Variants in TYW1B observed in about 807,000 individuals in gnomAD.
TYW1B encodes the protein S-adenosyl-L-methionine-dependent tRNA 4-demethylwyosine synthase TYW1B.
A neutral mutation model predicts 86.9 loss-of-function variants in TYW1B; 73 were observed. That is an observed-to-expected ratio of 0.84 (90% confidence interval 0.70 to 1.02). The LOEUF (loss-of-function observed/expected upper bound fraction) is 1.02, where lower values mean the gene tolerates loss of function less well. Among genes scored for constraint, TYW1B ranks in the 50% least tolerant of loss-of-function variants. TYW1B has a pLI of 0.00. For synonymous variants in TYW1B, 248 were observed against 292.8 expected, an observed-to-expected ratio of 0.85 and a Z score of 1.56; for missense variants, 637 against 827.4, an observed-to-expected ratio of 0.77 and a Z score of 2.82.
intron 6 of TYW1B, among the ~76,000 whole-genome samples, chr7:72,781,647 C>T (rs1483507907): frequency 6.6e-6 from 1 of 152,192 alleles, no homozygotes; most frequent in African/African-American, 2.4e-5. Context: ...CTGTTCTCTC[C>T]ACCTACAATG....
chr7:72,796,842 C>T (rs1312952946), intron 6 of TYW1B, among the ~76,000 whole-genome samples: 1 of 151,280 alleles, frequency 6.6e-6, no homozygotes, highest in Non-Finnish European at 1.5e-5. Flanking sequence ...AAGAATATAT[C>T]TGGGCCAGTC....
At chr7:72,669,052 T>C (rs1479750699) in intron 11 of TYW1B, among the ~76,000 whole-genome samples, 1 of 147,248 alleles carries the variant, frequency 6.8e-6, no homozygotes, top group Non-Finnish European at 1.5e-5. Context: ...TATTATAGTA[T>C]AAACAAAGTC....
At chr7:72,610,724 G>C (rs1252470443) in intron 13 of TYW1B, among the ~76,000 whole-genome samples, 1 of 152,182 alleles carries the variant, frequency 6.6e-6, no homozygotes, top group African/African-American at 2.4e-5. Context: ...TGAGTCTCCC[G>C]CCTCAGCCTC....
chr7:72,686,725 C>T (rs1554449484), intron 11 of TYW1B, among the ~76,000 whole-genome samples: 4 of 151,936 alleles, frequency 2.6e-5, no homozygotes, highest in African/African-American at 7.3e-5. Flanking sequence ...ATGATGGATC[C>T]GTGTAGGTTC....
chr7:72,711,547 C>T (rs35742182), intron 10 of TYW1B, among the ~76,000 whole-genome samples: 1 of 131,276 alleles, frequency 7.6e-6, no homozygotes, highest in Non-Finnish European at 1.6e-5. Flanking sequence ...TTGGCTCACT[C>T]CAAGCTCCGC....
At chr7:72,684,503 C>T (rs1190429611) in intron 11 of TYW1B, among the ~76,000 whole-genome samples, 1 of 152,002 alleles carries the variant, frequency 6.6e-6, no homozygotes, top group African/African-American at 2.4e-5. Context: ...GAGAGAAATA[C>T]TTTTTCAGAC....
At chr7:72,807,927 C>A (rs187015572) in intron 4 of TYW1B, among the ~76,000 whole-genome samples, 13 of 152,112 alleles carry the variant, frequency 8.5e-5, no homozygotes, top group Admixed American at 6.6e-4. Context: ...CATATCTACG[C>A]CAGGCGAAGT....
intron 6 of TYW1B, among the ~76,000 whole-genome samples, chr7:72,791,463 A>G (rs1244235961): frequency 6.6e-6 from 1 of 151,896 alleles, no homozygotes; most frequent in Non-Finnish European, 1.5e-5. Flanking sequence ...ACCTGAGGAC[A>G]ATGGGAGCCT....
At chr7:72,622,778 C>T (rs1187155391) in intron 12 of TYW1B, among the ~76,000 whole-genome samples, 4 of 151,624 alleles carry the variant, frequency 2.6e-5, no homozygotes, top group Non-Finnish European at 2.9e-5. Flanking sequence ...CATGCACGCA[C>T]ACAAAACACA....
intron 10 of TYW1B, among the ~76,000 whole-genome samples, chr7:72,703,887 A>G (rs1814550847): frequency 1.3e-5 from 2 of 151,892 alleles, no homozygotes; most frequent in African/African-American, 4.8e-5. Context: ...AAGAAAAAAG[A>G]AAAAATCTGT....
At chr7:72,762,065 G>A (rs1787694177) in intron 7 of TYW1B, among the ~76,000 whole-genome samples, 1 of 151,988 alleles carries the variant, frequency 6.6e-6, no homozygotes, top group Non-Finnish European at 1.5e-5. Flanking sequence ...TTAAAATTTG[G>A]TTACCTATAT....
intron 11 of TYW1B, among the ~76,000 whole-genome samples, chr7:72,666,050 C>T (rs28478004): frequency 0.014 from 2,069 of 152,176 alleles, 41 homozygotes; most frequent in African/African-American, 0.047. Context: ...TAAAGTTATG[C>T]ACATAGTATG....
chr7:72,807,268 C>G lies in TYW1B; in HGVS notation c.521G>C (p.Ser174Thr). The change falls in exon 5 of 14, where the codon AGC (serine) becomes ACC (threonine). Residue 174 changes from serine (S) to threonine (T), a missense_variant. Physicochemically the swap from Ser to Thr is moderately conservative, Grantham distance 58. Coordinates refer to ENST00000620995, the MANE Select transcript of TYW1B (RefSeq NM_001145440.3). ...RGEGDCDVVK[S>T]KHGSIEANFR... ...GTTGGCCTCAATGCTGCCGTGCTTGCTTTTAACCACGTCGCAGTCGCCCTC... is the reference window on the plus strand; with the variant it reads ...GTTGGCCTCAATGCTGCCGTGCTTGGTTTTAACCACGTCGCAGTCGCCCTC... 6.2e-7 allele frequency: 1 copy of G among 1,614,182 alleles called. No individual in the cohort carries two copies. The highest frequency in any genetic ancestry group is 8.5e-7 in the Non-Finnish European group (1 of 1,180,048).
chr7:72,662,254 T>C (rs1201008479), intron 11 of TYW1B, among the ~76,000 whole-genome samples: 2 of 152,208 alleles, frequency 1.3e-5, no homozygotes, highest in Non-Finnish European at 1.5e-5. Context: ...AATCTTTAAA[T>C]AGTTAGCTTT....
intron 2 of TYW1B, among the ~76,000 whole-genome samples, chr7:72,821,820 G>C (rs1336196885): frequency 6.6e-6 from 1 of 152,166 alleles, no homozygotes; most frequent in Non-Finnish European, 1.5e-5. Context: ...AGTAGAGCAG[G>C]CTTGGGCAGA....
At chr7:72,630,952 G>T (rs1383445430) in intron 11 of TYW1B, among the ~76,000 whole-genome samples, 2 of 151,914 alleles carry the variant, frequency 1.3e-5, no homozygotes, top group African/African-American at 4.8e-5. Flanking sequence ...AAAATCCCGG[G>T]ATTGCAAAAA....
At chr7:72,692,410 A>C (rs1814193208) in intron 11 of TYW1B, among the ~76,000 whole-genome samples, 1 of 151,736 alleles carries the variant, frequency 6.6e-6, no homozygotes, top group Non-Finnish European at 1.5e-5. Flanking sequence ...AGTACTTGGG[A>C]GGCTGAGGCA....
rs1554459274 is a variant in TYW1B at position 72,728,915 on chromosome 7, C to A, written c.1099G>T (p.Val367Leu). 9 of 1,613,894 alleles carry A rather than the reference C, an allele frequency of 5.6e-6. No individual in the cohort carries two copies. Among genetic ancestry groups the A allele is most frequent in the Middle Eastern group, 1.6e-4 (1 of 6,062 alleles). Residue 367 changes from valine (V) to leucine (L), a missense_variant, in exon 9 of 14, where the codon GTG becomes TTG. By Grantham distance (32) the Val-to-Leu change is conservative. Coordinates refer to ENST00000620995, the MANE Select transcript of TYW1B (RefSeq NM_001145440.3). Reference sequence around the variant, plus strand: ...ATCTTCCACAACCATTCAGTGCCCACAGGGTTGTTGTGGTGCCTAGGAACA... The same window carrying A: ...ATCTTCCACAACCATTCAGTGCCCAAAGGGTTGTTGTGGTGCCTAGGAACA... ...VFCWWHHNNPVGTEWLWKMDQ... is the reference protein window; with the variant it reads ...VFCWWHHNNPLGTEWLWKMDQ...
chr7:72,660,762 T>C (rs1563049811), intron 11 of TYW1B, among the ~76,000 whole-genome samples: 1 of 152,026 alleles, frequency 6.6e-6, no homozygotes, highest in Non-Finnish European at 1.5e-5. Flanking sequence ...GGCAGAGCAG[T>C]AGAAGGTTCT....
Sources: allele counts gnomAD v4.1 joint callset (sites outside exome capture counted in the v4.1 genomes callset), GRCh38; gene constraint gnomAD v4.1.1; transcripts MANE v1.5; gene names NCBI Gene and HGNC (gene_info 2026-07-23, HGNC 2026-07-21).